COL6A1: variants seen among roughly 807,000 people sequenced by gnomAD.
COL6A1 encodes the protein collagen type VI alpha 1 chain, also known as collagen alpha-1(VI) chain.
In COL6A1, 80 loss-of-function variants were observed where a neutral mutation model predicts 145.6. The ratio of observed to expected loss-of-function variants is 0.55; its 90% confidence interval spans 0.46 to 0.66. COL6A1 has a LOEUF of 0.66. Among genes scored for constraint, COL6A1 ranks in the 30% least tolerant of loss-of-function variants. The pLI is 0.00. For missense variants in COL6A1, 1,364 were observed against 1,473.8 expected (o/e 0.93, Z 1.22); for synonymous variants, 638 against 622.8 (o/e 1.02, Z -0.36).
chr21:45,984,195 C>T (rs545071366), intron 2 of COL6A1, 74 bp from the exon 3 acceptor site: 52 of 1,418,796 alleles, frequency 3.7e-5, no homozygotes, highest in African/African-American at 2.8e-4. Context: ...ATCTGGGTGA[C>T]GTCGCGCCCT....
At chr21:45,991,920 A>G in intron 15 of COL6A1, 90 bp from the exon 16 acceptor site, 1 of 1,299,256 alleles carries the variant, frequency 7.7e-7, no homozygotes, top group Non-Finnish European at 1.1e-6. Flanking sequence ...GGCCTGAAGT[A>G]TGGGTGAGAG....
In COL6A1 at chr21:46,003,406, C is replaced by A. The variant is rs761774962; in HGVS notation, c.2480C>A (p.Pro827Gln). The A allele has an allele frequency of 1.2e-6, 2 of 1,601,036 alleles. No homozygotes were observed. The highest frequency in any genetic ancestry group is 2.7e-5 in the African/African-American group (2 of 74,910). ...DYTCPITFSS[P>Q]ADITILLDGS... ...CGCCCCGCAGTCACGTTCTCCTCCCCGGCTGACATCACCATCCTGCTGGAC... is the reference window on the plus strand; with the variant it reads ...CGCCCCGCAGTCACGTTCTCCTCCCAGGCTGACATCACCATCCTGCTGGAC... Residue 827 changes from proline to glutamine, a missense_variant, in exon 35 of 35, where the codon CCG becomes CAG. This residue lies in a region of COL6A1 where 938 missense variants were observed against 1,003.8 expected (regional missense o/e 0.93). Coordinates refer to ENST00000361866, the MANE Select transcript of COL6A1 (RefSeq NM_001848.3).
chr21:45,999,047 T>C, intron 25 of COL6A1, 88 bp downstream of exon 25: 2 of 1,544,154 alleles, frequency 1.3e-6, no homozygotes, highest in South Asian at 2.4e-5. Context: ...AGGACCCGCT[T>C]GGGGAGGCCT....
At position 45,986,672 on chromosome 21, in the gene COL6A1, C is replaced by T; in HGVS notation, c.575C>T (p.Thr192Ile). Residue 192 changes from threonine (T) to isoleucine (I), a missense_variant, in exon 4 of 35, where the codon ACA becomes ATA. Transcript: ENST00000361866. ...GTCAAAGTCTTCTCGGTGGCCATCA[C>T]ACCCGACCACCTGGTAGGCACCGGC... ...LGVKVFSVAI[T>I]PDHLEPRLSI... The T allele has an allele frequency of 6.5e-7, 1 of 1,548,258 alleles. No homozygotes were observed. Among genetic ancestry groups the T allele is most frequent in the Non-Finnish European group, 8.7e-7 (1 of 1,147,132 alleles).
intron 22 of COL6A1, 107 bp from the exon 23 acceptor site, chr21:45,998,014 G>A (rs2077816133): frequency 7.0e-7 from 1 of 1,420,474 alleles, no homozygotes; most frequent in Admixed American, 1.9e-5. Flanking sequence ...GCCGGCTTCT[G>A]GGCTGACGGA....
chr21:45,990,622 G>A (rs1052022048), intron 13 of COL6A1, 151 bp from the exon 14 acceptor site: 34 of 644,468 alleles, frequency 5.3e-5, no homozygotes, highest in Non-Finnish European at 8.1e-6. Context: ...GAGTGGGGTG[G>A]ACGGTGTGAA....
chr21:46,002,908 C>T (rs1028869042), intron 33 of COL6A1, among the ~76,000 whole-genome samples, 198 bp downstream of exon 33: 44 of 150,856 alleles, frequency 2.9e-4, no homozygotes, highest in African/African-American at 1.1e-3. Flanking sequence ...CAGAGGCCTC[C>T]TCCCAGCTCA....
At position 45,990,999 on chromosome 21, in the gene COL6A1, C is replaced by T. The variant is rs2077773803; in HGVS notation, c.1077C>T (p.Gly359=). The T allele has an allele frequency of 6.2e-7, 1 of 1,613,444 alleles. No individual in the cohort carries two copies. The highest frequency in any genetic ancestry group is 8.5e-7 in the Non-Finnish European group (1 of 1,179,944). The part of the protein sequence containing the change: ...PGFDGIQGPP[G]PKGDPGAFGL... ...TCCAGGGCATTCAAGGACCCCCTGG[C>T]CCCAAGGGAGACCCCGGTGCCTTTG... is the stretch of plus-strand genomic sequence containing the variant. The change falls in exon 15 of 35, where the codon GGC becomes GGT. Residue 359 remains glycine, a synonymous_variant. Coordinates refer to ENST00000361866, the MANE Select transcript of COL6A1 (RefSeq NM_001848.3).
chr21:45,999,405 GCAGAGCCGAGCCCAGGGA>G (rs2077825376), intron 26 of COL6A1, 187 bp downstream of exon 26: 1 of 745,266 alleles, frequency 1.3e-6, no homozygotes, highest in African/African-American at 1.7e-5. Context: ...GGCCAGGGCA[GCAGAGCCGAGCCCAGGGA>G]CACAGCGGGT....
chr21:45,988,982 C>T (rs2077758695), intron 8 of COL6A1, 102 bp from the exon 9 acceptor site: 5 of 1,403,242 alleles, frequency 3.6e-6, no homozygotes, highest in East Asian at 4.7e-5. Context: ...AGCCCTTGAT[C>T]CCTGAAGGCT....
Position 45,982,568 on chromosome 21 carries a change from A to G in COL6A1, c.98-66A>G, listed in dbSNP as rs569444334. 9.9e-4 allele frequency: 1,583 copies of G among 1,605,974 alleles called. 5 individuals are homozygous for G. The Middle Eastern group carries it at 0.018, about 19-fold the overall frequency. On this transcript the variant is annotated intron_variant, in intron 1 of 34. Coordinates refer to ENST00000361866, the MANE Select transcript of COL6A1 (RefSeq NM_001848.3). ...CAGGCGCTGGGCTGGCCGGGAGGGC[A>G]GGCCCAGCAGAGACTCGGGGAATGG...
Position 45,991,027 on chromosome 21 carries a change from C to T in COL6A1, c.1105C>T (p.Leu369=), listed in dbSNP as rs956460601. The change falls in exon 15 of 35, where the codon CTG becomes TTG. Residue 369 remains leucine (L), a synonymous_variant. Coordinates refer to ENST00000361866, the MANE Select transcript of COL6A1 (RefSeq NM_001848.3). The stretch of plus-strand genomic sequence containing the variant: ...CAAGGGAGACCCCGGTGCCTTTGGA[C>T]TGAAAGGAGAAAAGGTGAGTGACTT... ...GPKGDPGAFG[L]KGEKGEPGAD... 1 of 1,613,328 alleles carries T rather than the reference C, an allele frequency of 6.2e-7. No homozygotes were observed. The highest frequency in any genetic ancestry group is 8.5e-7 in the Non-Finnish European group (1 of 1,179,902).
At chr21:46,003,296 G>A (rs2077859717) in intron 34 of COL6A1, 95 bp from the exon 35 acceptor site, 14 of 1,602,748 alleles carry the variant, frequency 8.7e-6, no homozygotes, top group East Asian at 4.5e-5. Flanking sequence ...CCACCGTGCC[G>A]TGCCCTCTCT....
chr21:46,001,044 G>A (rs1219469526), intron 29 of COL6A1: 1 of 750,756 alleles, frequency 1.3e-6, no homozygotes. Flanking sequence ...CCCTAGCCTG[G>A]CTGAGCAACG....
chr21:45,994,457 C>T lies in COL6A1; in HGVS notation c.1398+228C>T, dbSNP rs1312825495. ...GCAGGCCCAGCGCCCGGGGGCCTGA[C>T]GCTGAGACGCTCAGCCCAGGTGGAG... On this transcript the variant is annotated intron_variant, in intron 20 of 34. Transcript: ENST00000361866. This position sits in a 1 kb window ranked among gnomAD's most constrained non-coding sequence, Gnocchi z 6.8. 1.3e-5 allele frequency among the ~76,000 whole-genome samples: 2 copies of T among 152,102 alleles called. No homozygotes were observed. The highest frequency in any genetic ancestry group is 2.9e-5 in the Non-Finnish European group (2 of 67,998).
rs1490319824 is a variant in COL6A1 at position 45,990,365 on chromosome 21, T to G, written c.958-13T>G. On this transcript the variant is annotated splice_polypyrimidine_tract_variant and intron_variant, in intron 12 of 34. Transcript: ENST00000361866. ...CTGCATCTGACTCCTGCCTTCGTTT[T>G]CCCGCCTCACAGGGAGAGAAGGGCA... 1 of 1,472,344 alleles carries G rather than the reference T, an allele frequency of 6.8e-7. No individual in the cohort carries two copies. The highest frequency in any genetic ancestry group is 9.1e-7 in the Non-Finnish European group (1 of 1,097,180). 91.2% of individuals were successfully genotyped at this position (1,472,344 alleles called of 1,614,324 possible). A position where few individuals can be genotyped will look rare whatever the true frequency, so the allele number is the denominator to read the frequency against.
intron 3 of COL6A1, among the ~76,000 whole-genome samples, chr21:45,984,738 T>TGACA (rs199840006): frequency 0.026 from 1,858 of 71,354 alleles, 28 homozygotes; most frequent in African/African-American, 0.092. Flanking sequence ...AGACAAAGAG[T>TGACA]GACAGAGGGA....
Position 45,994,649 on chromosome 21 carries a change from T to A in COL6A1, c.1398+420T>A, listed in dbSNP as rs1171984236. On this transcript the variant is annotated intron_variant, in intron 20 of 34. Coordinates refer to ENST00000361866, the MANE Select transcript of COL6A1 (RefSeq NM_001848.3). This position sits in a 1 kb window ranked among gnomAD's most constrained non-coding sequence, Gnocchi z 6.8. ...CTGGGGAGTGTGAGGCTATGGAGGT[T>A]TCCAGAATCCCAGGGTGTCAGGATG... is the stretch of plus-strand genomic sequence containing the variant. Among the ~76,000 whole-genome samples the A allele has an allele frequency of 6.6e-6, 1 of 152,120 alleles. No individual in the cohort carries two copies. The highest frequency in any genetic ancestry group is 1.5e-5 in the Non-Finnish European group (1 of 67,996).
intron 22 of COL6A1, 90 bp downstream of exon 22, chr21:45,997,852 G>C: frequency 1.4e-6 from 2 of 1,423,952 alleles, no homozygotes; most frequent in South Asian, 2.5e-5. Context: ...AGCTGCCTGG[G>C]GTCCCTGACC....
Sources: allele counts gnomAD v4.1 joint callset (sites outside exome capture counted in the v4.1 genomes callset), GRCh38; gene constraint gnomAD v4.1.1; regional missense constraint gnomAD v4.1.1; non-coding constraint Gnocchi (gnomAD v3.1); transcripts MANE v1.5; gene names NCBI Gene and HGNC (gene_info 2026-07-23, HGNC 2026-07-21).